The following SLC20A2 variants were observed in gnomAD, a reference collection of about 807,000 sequenced individuals.
The protein encoded by SLC20A2 is sodium-dependent phosphate transporter 2.
In SLC20A2, 30 loss-of-function variants were observed where a neutral mutation model predicts 61.0. The ratio of observed to expected loss-of-function variants is 0.49; its 90% CI spans 0.37 to 0.67. SLC20A2 has a LOEUF of 0.67. Ranked by LOEUF, SLC20A2 falls within the 30% of genes least tolerant of loss-of-function variation. The pLI, the probability that SLC20A2 is intolerant of heterozygous loss-of-function variation, is 0.00. For missense variants in SLC20A2, 626 were observed against 866.4 expected (o/e 0.72, Z 3.48); for synonymous variants, 351 against 353.3 (o/e 0.99, Z 0.07).
intron 1 of SLC20A2, among the ~76,000 whole-genome samples, chr8:42,493,881 ATC>A (rs1809709623): frequency 6.6e-6 from 1 of 152,238 alleles, no homozygotes; most frequent in South Asian, 2.1e-4. Flanking sequence ...ATGGTGGCTT[ATC>A]TCTGTAATCC....
At chr8:42,535,257 G>A (rs1563557276) in intron 1 of SLC20A2, 1 of 152,102 alleles carries the variant, frequency 6.6e-6, no homozygotes, top group African/African-American at 2.4e-5. Flanking sequence ...TAAGCCTGAT[G>A]TACTGGTCTC....
intron 1 of SLC20A2, among the ~76,000 whole-genome samples, chr8:42,499,011 A>G (rs576502238): frequency 6.6e-6 from 1 of 152,206 alleles, no homozygotes; most frequent in African/African-American, 2.4e-5. Flanking sequence ...TGCAACCGGC[A>G]GCGATTCTGT....
chr8:42,498,208 G>C (rs2131338909), intron 1 of SLC20A2, among the ~76,000 whole-genome samples: 1 of 152,298 alleles, frequency 6.6e-6, no homozygotes, highest in South Asian at 2.1e-4. Flanking sequence ...GTGAAACTGT[G>C]AAGCTTCTCC....
intron 1 of SLC20A2, among the ~76,000 whole-genome samples, chr8:42,526,374 C>T (rs1811935193): frequency 6.6e-6 from 1 of 151,690 alleles, no homozygotes; most frequent in Admixed American, 6.6e-5. Context: ...AAAAAGAAGT[C>T]TTAGAAACAT....
chr8:42,434,895 C>T (rs140743648), intron 8 of SLC20A2, among the ~76,000 whole-genome samples: 4 of 151,798 alleles, frequency 2.6e-5, no homozygotes, highest in African/African-American at 7.3e-5. Flanking sequence ...TGTGAGTGTG[C>T]GTGTGAGTGC....
intron 1 of SLC20A2, chr8:42,541,755 C>CATG (rs1741878732): frequency 6.7e-6 from 1 of 149,272 alleles, no homozygotes; most frequent in Admixed American, 6.6e-5. Flanking sequence ...GGGGCCGCGT[C>CATG]ACCCGGCCCC....
At chr8:42,505,637 G>T (rs1810634973), upstream of SLC20A2, among the ~76,000 whole-genome samples, 1 of 152,106 alleles carries the variant, frequency 6.6e-6, no homozygotes, top group South Asian at 2.1e-4. Context: ...AATTGAACCT[G>T]GTTATTTGAT....
At chr8:42,514,063 G>A (rs1416337249) in intron 1 of SLC20A2, among the ~76,000 whole-genome samples, 1 of 152,144 alleles carries the variant, frequency 6.6e-6, no homozygotes, top group African/African-American at 2.4e-5. Context: ...TAAGGAGTGG[G>A]TCCACTATCC....
rs985316112 is a variant in SLC20A2 at position 42,439,649 on chromosome 8, T to C, written c.735A>G (p.Lys245=). The C allele has an allele frequency of 1.2e-6, 2 of 1,613,044 alleles. No individual in the cohort carries two copies. Among genetic ancestry groups the C allele is most frequent in the African/African-American group, 2.7e-5 (2 of 74,866 alleles). ...CPWMRRKITG[K]LQKEGALSRV... ...GTGATAAAGCACCTTCTTTTTGTAA[T>C]TTGCCTAAAGAAAACAAAGTCATAC... Residue 245 remains lysine (K), a synonymous_variant, in exon 7 of 11, where the codon AAA becomes AAG. Transcript: ENST00000520262.
chr8:42,527,281 G>A (rs1027453632), intron 1 of SLC20A2, among the ~76,000 whole-genome samples: 1 of 151,282 alleles, frequency 6.6e-6, no homozygotes, highest in Admixed American at 6.6e-5. Flanking sequence ...GGGTATGCCT[G>A]TAATCTCAGC....
intron 4 of SLC20A2, among the ~76,000 whole-genome samples, chr8:42,462,276 T>G (rs1259249750): frequency 6.6e-6 from 1 of 152,048 alleles, no homozygotes; most frequent in African/African-American, 2.4e-5. Flanking sequence ...TGAGGGCAAG[T>G]TGGTGCTCTC....
chr8:42,427,463 A>G (rs571132047), intron 10 of SLC20A2, among the ~76,000 whole-genome samples: 24 of 152,312 alleles, frequency 1.6e-4, no homozygotes, highest in African/African-American at 5.1e-4. Context: ...ACTGGGAGTG[A>G]CAGTTCCGCC....
intron 5 of SLC20A2, among the ~76,000 whole-genome samples, chr8:42,447,277 T>C (rs1214552552): frequency 6.6e-6 from 1 of 151,800 alleles, no homozygotes; most frequent in Non-Finnish European, 1.5e-5. Context: ...GCCCAGGAAT[T>C]TGAGGCTGCA....
At chr8:42,439,369 C>T (rs545414038) in intron 7 of SLC20A2, 81 bp downstream of exon 7, 7 of 1,365,394 alleles carry the variant, frequency 5.1e-6, no homozygotes, top group Admixed American at 2.2e-5. Context: ...AACCAGATTG[C>T]CCACACCCAG....
chr8:42,495,638 C>T (rs891558349), intron 1 of SLC20A2, among the ~76,000 whole-genome samples: 7 of 152,214 alleles, frequency 4.6e-5, no homozygotes, highest in Non-Finnish European at 1.0e-4. Context: ...AGGCAAACTA[C>T]AGTTTGGCTC....
chr8:42,461,474 C>T (rs1806697350), intron 4 of SLC20A2, among the ~76,000 whole-genome samples: 1 of 143,560 alleles, frequency 7.0e-6, no homozygotes, highest in East Asian at 2.0e-4. Flanking sequence ...TTTTTTTAGA[C>T]AGAGTCCCAC....
chr8:42,438,673 C>T (rs532516520), intron 7 of SLC20A2, among the ~76,000 whole-genome samples: 1 of 152,268 alleles, frequency 6.6e-6, no homozygotes, highest in East Asian at 1.9e-4. Flanking sequence ...TGCCCACAAA[C>T]ATTGAGAGTC....
At chr8:42,490,983 G>T (rs1429681133) in intron 1 of SLC20A2, among the ~76,000 whole-genome samples, 1 of 152,024 alleles carries the variant, frequency 6.6e-6, no homozygotes, top group African/African-American at 2.4e-5. Context: ...AGTCTTCAGA[G>T]TAAAGATAAA....
At chr8:42,496,486 C>A (rs1037581378) in intron 1 of SLC20A2, among the ~76,000 whole-genome samples, 1 of 152,114 alleles carries the variant, frequency 6.6e-6, no homozygotes, top group South Asian at 2.1e-4. Context: ...CTAGGAGTAA[C>A]TGTTTTGATT....
Sources: gnomAD v4.1 joint callset for allele counts (sites outside exome capture counted in the v4.1 genomes callset) on GRCh38, gnomAD v4.1.1 for gene constraint, MANE v1.5 for transcripts, NCBI Gene and HGNC (gene_info 2026-07-23, HGNC 2026-07-21) for gene names.